Variants in DLC1 observed in about 807,000 individuals in gnomAD.
DLC1 encodes the protein rho GTPase-activating protein 7.
DLC1 carries 54 observed loss-of-function variants against 140.3 expected under a neutral mutation model. The observed-to-expected ratio is 0.38, with a 90% CI of 0.31 to 0.48. The LOEUF (loss-of-function observed/expected upper bound fraction) is 0.48, where lower values mean the gene tolerates loss of function less well. Ranked by LOEUF, DLC1 falls within the 20% of genes least tolerant of loss-of-function variation. The pLI, the probability that DLC1 is intolerant of heterozygous loss-of-function variation, is 0.96. For synonymous variants in DLC1, 986 were observed against 728.1 expected, an observed-to-expected ratio of 1.35 and a Z score of -5.70; for missense variants, 2,536 against 1,907.0, an observed-to-expected ratio of 1.33 and a Z score of -6.14.
At chr8:13,262,377 G>A (rs1391935922) in intron 5 of DLC1, among the ~76,000 whole-genome samples, 1 of 152,004 alleles carries the variant, frequency 6.6e-6, no homozygotes, top group Non-Finnish European at 1.5e-5. Context: ...GTGATCCTAA[G>A]GAAAACTCTC....
At chr8:13,253,571 C>T (rs1830096155) in intron 5 of DLC1, among the ~76,000 whole-genome samples, 1 of 152,136 alleles carries the variant, frequency 6.6e-6, no homozygotes, top group Non-Finnish European at 1.5e-5. Context: ...TGATTTTATT[C>T]CTTTTTCTGT....
intron 4 of DLC1, among the ~76,000 whole-genome samples, chr8:13,330,190 G>A (rs563159881): frequency 6.6e-6 from 1 of 152,052 alleles, no homozygotes; most frequent in African/African-American, 2.4e-5. Flanking sequence ...GTCTTCAACT[G>A]ATCCCCCTTT....
chr8:13,288,822 G>A (rs2117452332), intron 5 of DLC1, among the ~76,000 whole-genome samples: 1 of 152,306 alleles, frequency 6.6e-6, no homozygotes, highest in Middle Eastern at 3.4e-3. Context: ...ACTTGTGTGG[G>A]CTGACATTTG....
At chr8:13,489,882 C>G (rs1801158966) in intron 2 of DLC1, among the ~76,000 whole-genome samples, 1 of 152,314 alleles carries the variant, frequency 6.6e-6, no homozygotes, top group South Asian at 2.1e-4. Context: ...ATTTGGCTGT[C>G]AGATCCTCAT....
At chr8:13,533,022 C>T (rs1232950786) in intron 1 of DLC1, among the ~76,000 whole-genome samples, 2 of 152,030 alleles carry the variant, frequency 1.3e-5, no homozygotes, top group East Asian at 1.9e-4. Context: ...TTGGAACTAG[C>T]CTGTGGAATA....
chr8:13,473,896 A>G (rs1800320245), intron 2 of DLC1, among the ~76,000 whole-genome samples: 2 of 152,208 alleles, frequency 1.3e-5, no homozygotes, highest in Admixed American at 1.3e-4. Context: ...TCAGTTTTAT[A>G]AAGAAAGCAG....
intron 5 of DLC1, among the ~76,000 whole-genome samples, chr8:13,193,554 T>C (rs1388789009): frequency 6.6e-6 from 1 of 152,186 alleles, no homozygotes; most frequent in Non-Finnish European, 1.5e-5. Context: ...CTCAGTGGGT[T>C]AGAAGCATTT....
chr8:13,274,389 T>A (rs763714938), intron 5 of DLC1, among the ~76,000 whole-genome samples: 1 of 152,182 alleles, frequency 6.6e-6, no homozygotes, highest in Non-Finnish European at 1.5e-5. Context: ...ACTGTGTGAG[T>A]TACTTCAGAG....
At position 13,125,965 on chromosome 8, in the gene DLC1, G is replaced by A. The variant is rs1374388593; in HGVS notation, c.1349-10308C>T. Among the ~76,000 whole-genome samples, 3 of 152,070 alleles carry A rather than the reference G, an allele frequency of 2.0e-5. No individual in the cohort carries two copies. In the East Asian group the frequency reaches 5.8e-4, roughly 29 times the overall value. ...GCCCTGCAAGTGACACTTTAGCCATGTAGAATTTAAACCAATTGAAATCCT... is the reference window on the plus strand; with the variant it reads ...GCCCTGCAAGTGACACTTTAGCCATATAGAATTTAAACCAATTGAAATCCT... On this transcript the variant is annotated intron_variant, in intron 5 of 17. Transcript: ENST00000276297.
chr8:13,179,658 C>T (rs1166267567), intron 5 of DLC1, among the ~76,000 whole-genome samples: 1 of 151,898 alleles, frequency 6.6e-6, no homozygotes, highest in Non-Finnish European at 1.5e-5. Flanking sequence ...GAGGTTGCGG[C>T]CACAGTGAGC....
chr8:13,087,516 G>A (rs1164838667), intron 16 of DLC1, among the ~76,000 whole-genome samples: 2 of 152,190 alleles, frequency 1.3e-5, no homozygotes, highest in Non-Finnish European at 2.9e-5. Flanking sequence ...CCTGGTCTGT[G>A]AGATTCTGTT....
chr8:13,543,944 C>T (rs745607387), intron 1 of DLC1, among the ~76,000 whole-genome samples: 8 of 152,012 alleles, frequency 5.3e-5, no homozygotes, highest in Non-Finnish European at 7.4e-5. Flanking sequence ...TTCACCATTA[C>T]ACAGTTCATC....
chr8:13,399,279 A>G (rs932663733), intron 3 of DLC1, among the ~76,000 whole-genome samples: 4 of 152,198 alleles, frequency 2.6e-5, no homozygotes, highest in African/African-American at 9.7e-5. Flanking sequence ...ATCTCATTGT[A>G]AAGAAAAAAC....
At chr8:13,505,638 G>A (rs1011098777) in intron 1 of DLC1, among the ~76,000 whole-genome samples, 55 of 151,968 alleles carry the variant, frequency 3.6e-4, no homozygotes, top group Middle Eastern at 3.2e-3. Flanking sequence ...GCATCCCCTC[G>A]CAATTACACA....
intron 1 of DLC1, among the ~76,000 whole-genome samples, chr8:13,544,051 C>G (rs1203310702): frequency 3.3e-5 from 5 of 151,704 alleles, no homozygotes; most frequent in South Asian, 2.1e-4. Flanking sequence ...TAAAAATAAG[C>G]TTAAAATGAT....
chr8:13,598,231 C>A (rs1805746312), intron 1 of DLC1, among the ~76,000 whole-genome samples: 1 of 152,010 alleles, frequency 6.6e-6, no homozygotes, highest in African/African-American at 2.4e-5. Context: ...TCATCTCTTT[C>A]TTAATTTGTC....
chr8:13,397,429 A>G (rs1473180267), intron 3 of DLC1, among the ~76,000 whole-genome samples: 1 of 152,152 alleles, frequency 6.6e-6, no homozygotes, highest in Non-Finnish European at 1.5e-5. Flanking sequence ...GAAGAGAAGC[A>G]GGTAAATCAC....
chr8:13,411,718 C>G (rs1585061647), intron 2 of DLC1, among the ~76,000 whole-genome samples: 2 of 151,902 alleles, frequency 1.3e-5, no homozygotes, highest in East Asian at 1.9e-4. Context: ...AAATATGAAA[C>G]AAAATAAAGA....
In DLC1 at chr8:13,328,376, T is replaced by C. The variant is rs1414129215; in HGVS notation, c.1315-23074A>G. ...CAGTTATATTTTGGAGAGAGAGGTGTATTTTGGTTCTGGGTTGATTGCGGG... is the reference window on the plus strand; with the variant it reads ...CAGTTATATTTTGGAGAGAGAGGTGCATTTTGGTTCTGGGTTGATTGCGGG... On this transcript the variant is annotated intron_variant, in intron 4 of 17. Transcript: ENST00000276297. Among the ~76,000 whole-genome samples, 4 of 152,046 alleles carry C rather than the reference T, an allele frequency of 2.6e-5. 1 individual carries two copies. Among genetic ancestry groups the C allele is most frequent in the Non-Finnish European group, 5.9e-5 (4 of 68,010 alleles).
Sources: allele counts gnomAD v4.1 joint callset (sites outside exome capture counted in the v4.1 genomes callset), GRCh38; gene constraint gnomAD v4.1.1; transcripts MANE v1.5; gene names NCBI Gene and HGNC (gene_info 2026-07-23, HGNC 2026-07-21).